Variants in STIM2 observed in about 807,000 individuals in gnomAD.
STIM2 encodes stromal interaction molecule 2.
STIM2 carries 31 observed loss-of-function variants against 85.8 expected under a neutral mutation model. That is an observed-to-expected ratio of 0.36 (90% confidence interval 0.27 to 0.49). The LOEUF is 0.49. Ranked by LOEUF, STIM2 falls within the 20% of genes least tolerant of loss-of-function variation. The pLI, the probability that STIM2 is intolerant of heterozygous loss-of-function variation, is 0.98. For missense variants in STIM2, 841 were observed against 927.6 expected, an observed-to-expected ratio of 0.91 and a Z score of 1.21; for synonymous variants, 356 against 331.1, an observed-to-expected ratio of 1.08 and a Z score of -0.82.
At chr4:26,894,764 G>A (rs960892020) in intron 1 of STIM2, among the ~76,000 whole-genome samples, 1 of 152,060 alleles carries the variant, frequency 6.6e-6, no homozygotes, top group African/African-American at 2.4e-5. Flanking sequence ...TCAAGACTGG[G>A]CTATTCTTTG....
chr4:26,885,823 A>T (rs1480852012), intron 1 of STIM2, among the ~76,000 whole-genome samples: 7 of 8,758 alleles, frequency 8.0e-4, no homozygotes, highest in Admixed American at 1.1e-3. Flanking sequence ...ACCTCAGGTT[A>T]TATATATATA....
chr4:27,017,913 G>T lies in STIM2; in HGVS notation c.1692G>T (p.Val564=), dbSNP rs1728788915. 2 of 1,614,018 alleles carry T rather than the reference G, an allele frequency of 1.2e-6. No individual in the cohort carries two copies. Among genetic ancestry groups the T allele is most frequent in the African/African-American group, 2.7e-5 (2 of 74,890 alleles). The change falls in exon 11 of 12, where the codon GTG becomes GTT. Residue 564 remains valine (V), a synonymous_variant. Transcript: ENST00000467087. ...CCCCTGATCCAGATATCCTCTCAGT[G>T]TCAAGTTGCCCTGCGCTTTATCGAA...
intron 2 of STIM2, among the ~76,000 whole-genome samples, chr4:26,956,805 T>TC (rs1726261410): frequency 6.6e-6 from 1 of 152,122 alleles, no homozygotes; most frequent in African/African-American, 2.4e-5. Flanking sequence ...GGCAGTATAT[T>TC]ATGCTGTTGA....
Position 26,913,577 on chromosome 4 carries a change from T to C in STIM2, c.152-5927T>C, listed in dbSNP as rs189829233. 2.0e-5 allele frequency among the ~76,000 whole-genome samples: 3 copies of C among 152,338 alleles called. No homozygotes were observed. The East Asian group carries it at 5.8e-4, about 29-fold the overall frequency. Reference sequence around the variant, plus strand: ...CAGAAGAGTAATGTTATTAGATTTCTACTAACTACTTAGGTTTAAATTCAG... The same window carrying C: ...CAGAAGAGTAATGTTATTAGATTTCCACTAACTACTTAGGTTTAAATTCAG... On this transcript the variant is annotated intron_variant, in intron 1 of 11. Coordinates refer to ENST00000467087, the MANE Select transcript of STIM2 (RefSeq NM_020860.4).
intron 7 of STIM2, among the ~76,000 whole-genome samples, chr4:27,004,287 G>C (rs865984249): frequency 4.6e-5 from 7 of 152,192 alleles, no homozygotes; most frequent in African/African-American, 1.7e-4. Context: ...AGGACTCTTA[G>C]ATGTATTTTA....
intron 1 of STIM2, among the ~76,000 whole-genome samples, chr4:26,875,079 T>G (rs1722769965): frequency 6.6e-6 from 1 of 152,230 alleles, no homozygotes; most frequent in African/African-American, 2.4e-5. Flanking sequence ...ATCTTTTAAC[T>G]CATAGTATCA....
At chr4:26,984,285 G>A (rs1727502098) in intron 3 of STIM2, among the ~76,000 whole-genome samples, 1 of 152,182 alleles carries the variant, frequency 6.6e-6, no homozygotes, top group Admixed American at 6.5e-5. Context: ...TGTATAACAT[G>A]TTGGGAATAT....
chr4:26,932,851 TGTGCTAGATGTTG>T (rs1479368757), intron 2 of STIM2, among the ~76,000 whole-genome samples: 1 of 152,196 alleles, frequency 6.6e-6, no homozygotes, highest in African/African-American at 2.4e-5. Flanking sequence ...TGCCAGACAG[TGTGCTAGATGTTG>T]GCTTTGCAAA....
At chr4:26,883,083 C>T (rs953145696) in intron 1 of STIM2, among the ~76,000 whole-genome samples, 42 of 150,694 alleles carry the variant, frequency 2.8e-4, no homozygotes, top group Non-Finnish European at 4.7e-4. Flanking sequence ...TCCTGACCTC[C>T]GGTGATCCGC....
At chr4:26,895,512 A>G (rs986512545) in intron 1 of STIM2, among the ~76,000 whole-genome samples, 1 of 152,086 alleles carries the variant, frequency 6.6e-6, no homozygotes, top group African/African-American at 2.4e-5. Context: ...TCCTTTTCCT[A>G]ACTTTTTTTA....
intron 11 of STIM2, among the ~76,000 whole-genome samples, chr4:27,021,869 A>G (rs963462273): frequency 6.6e-6 from 1 of 152,098 alleles, no homozygotes; most frequent in Non-Finnish European, 1.5e-5. Context: ...TACAAAATTT[A>G]TTTTTCCACT....
At chr4:26,888,781 C>T (rs117218969) in intron 1 of STIM2, among the ~76,000 whole-genome samples, 24 of 152,262 alleles carry the variant, frequency 1.6e-4, no homozygotes, top group East Asian at 1.2e-3. Context: ...TCTTGTATTC[C>T]GGACTTAGTC....
intron 1 of STIM2, among the ~76,000 whole-genome samples, chr4:26,879,203 CTTAA>C: frequency 6.6e-6 from 1 of 152,270 alleles, no homozygotes; most frequent in African/African-American, 2.4e-5. Flanking sequence ...TATGTAGTTA[CTTAA>C]TTATGTAATC....
At chr4:27,015,667 A>T (rs1323197906) in intron 10 of STIM2, among the ~76,000 whole-genome samples, 1 of 152,008 alleles carries the variant, frequency 6.6e-6, no homozygotes, top group Non-Finnish European at 1.5e-5. Flanking sequence ...GTTTGTAGTC[A>T]GTCAACTTGG....
At chr4:27,017,222 A>G (rs913777340) in intron 10 of STIM2, among the ~76,000 whole-genome samples, 2 of 152,042 alleles carry the variant, frequency 1.3e-5, no homozygotes, top group African/African-American at 2.4e-5. Flanking sequence ...TTTGCTCTGA[A>G]CTCTGCCTAA....
In STIM2 at chr4:26,861,199, G is replaced by A. The variant is rs1396035123; in HGVS notation, c.-20G>A. On this transcript the variant is annotated 5_prime_UTR_variant, in exon 1 of 12. Transcript: ENST00000467087. ...GGCCCAGCGTGGGGCTGGCTGCTGC[G>A]GCGGCGGCGCTGGGCTGCGTTGCTG... is the stretch of plus-strand genomic sequence containing the variant. The A allele has an allele frequency of 1.4e-6, 2 of 1,447,506 alleles. No homozygotes were observed. 89.7% of individuals were successfully genotyped at this position (1,447,506 alleles called of 1,614,324 possible).
chr4:26,921,455 G>A (rs1242524890), intron 2 of STIM2, among the ~76,000 whole-genome samples: 1 of 152,196 alleles, frequency 6.6e-6, no homozygotes, highest in Non-Finnish European at 1.5e-5. Flanking sequence ...CCATGCAGTT[G>A]CTGTTGTAAC....
At chr4:26,968,544 T>C (rs1467625406) in intron 3 of STIM2, among the ~76,000 whole-genome samples, 1 of 152,144 alleles carries the variant, frequency 6.6e-6, no homozygotes, top group African/African-American at 2.4e-5. Flanking sequence ...AGTTGTTGAA[T>C]GGATACAGAA....
intron 1 of STIM2, among the ~76,000 whole-genome samples, chr4:26,913,759 T>C (rs1281669149): frequency 6.6e-6 from 1 of 152,242 alleles, no homozygotes; most frequent in Non-Finnish European, 1.5e-5. Context: ...GTTAGATAAG[T>C]AATTTAGTAA....
Sources: allele counts gnomAD v4.1 joint callset (sites outside exome capture counted in the v4.1 genomes callset), GRCh38; gene constraint gnomAD v4.1.1; transcripts MANE v1.5; gene names NCBI Gene and HGNC (gene_info 2026-07-23, HGNC 2026-07-21).